Variants in ANKS3 observed in about 807,000 individuals in gnomAD.
The protein encoded by ANKS3 is ankyrin repeat and SAM domain-containing protein 3.
Under a neutral mutation model 80.7 loss-of-function variants are expected in ANKS3, and 62 were observed. The ratio of observed to expected loss-of-function variants is 0.77; its 90% CI spans 0.63 to 0.95. The LOEUF (loss-of-function observed/expected upper bound fraction) is 0.95, where lower values mean the gene tolerates loss of function less well. ANKS3 is among the 40% of genes least tolerant of loss of function. The pLI is 0.00. For missense variants in ANKS3, 1,150 were observed against 883.6 expected (o/e 1.30, Z -3.82); for synonymous variants, 489 against 355.3 (o/e 1.38, Z -4.23).
At chr16:4,709,366 A>G (rs1382104649) in intron 7 of ANKS3, among the ~76,000 whole-genome samples, 1 of 151,658 alleles carries the variant, frequency 6.6e-6, no homozygotes, top group East Asian at 1.9e-4. Flanking sequence ...AGATCGTGCC[A>G]TTGCACTCCA....
At chr16:4,706,962 C>T (rs2080227242) in intron 7 of ANKS3, among the ~76,000 whole-genome samples, 1 of 152,210 alleles carries the variant, frequency 6.6e-6, no homozygotes, top group African/African-American at 2.4e-5. Flanking sequence ...GTGGGCCACT[C>T]TGTCCTTCCC....
rs2080130587 is a variant in ANKS3 at position 4,705,404 on chromosome 16, A to G, written c.710-151T>C. 4.0e-5 allele frequency: 38 copies of G among 943,356 alleles called. No homozygotes were observed. The South Asian group carries it at 6.4e-4, about 16-fold the overall frequency. 58.4% of individuals were successfully genotyped at this position (943,356 alleles called of 1,614,324 possible). On this transcript the variant is annotated intron_variant, in intron 7 of 17. Transcript: ENST00000304283. Reference sequence around the variant, plus strand: ...GGGCATCACTTCTGAGAAATGCCCTAACAGGCCGGGGCGCTGCTCCAATGG... The same window carrying G: ...GGGCATCACTTCTGAGAAATGCCCTGACAGGCCGGGGCGCTGCTCCAATGG...
chr16:4,711,673 G>A (rs1317492646), intron 7 of ANKS3, among the ~76,000 whole-genome samples: 10 of 146,754 alleles, frequency 6.8e-5, no homozygotes, highest in African/African-American at 2.5e-4. Context: ...AGTCAAGATC[G>A]AGCCACTGCA....
chr16:4,697,862 C>T (rs1241400856), intron 15 of ANKS3, 115 bp downstream of exon 15: 11 of 1,005,710 alleles, frequency 1.1e-5, no homozygotes. Flanking sequence ...CACACAGGGA[C>T]CTGGGAGAGT....
intron 6 of ANKS3, among the ~76,000 whole-genome samples, chr16:4,715,289 T>A (rs1379645047): frequency 6.6e-6 from 1 of 151,562 alleles, no homozygotes; most frequent in Non-Finnish European, 1.5e-5. Flanking sequence ...GAAAAAAAAA[T>A]AAACTATAAT....
chr16:4,714,046 G>T lies in ANKS3; in HGVS notation c.709+5C>A. On this transcript the variant is annotated splice_donor_5th_base_variant and intron_variant, in intron 7 of 17. Coordinates refer to ENST00000304283, the MANE Select transcript of ANKS3 (RefSeq NM_133450.4). ...CAGCAGGGCGCGGCTGGCAGGTGTG[G>T]GTACCTGGGCTCCGATAGAGGCTCT... The T allele has an allele frequency of 6.2e-7, 1 of 1,613,948 alleles. No homozygotes were observed. Among genetic ancestry groups the T allele is most frequent in the Non-Finnish European group, 8.5e-7 (1 of 1,179,946 alleles).
At chr16:4,707,473 G>A (rs2080260051) in intron 7 of ANKS3, among the ~76,000 whole-genome samples, 1 of 151,924 alleles carries the variant, frequency 6.6e-6, no homozygotes, top group Admixed American at 6.6e-5. Context: ...GTAGAGACAA[G>A]GTTTCACCAT....
At chr16:4,709,640 G>T (rs2080382827) in intron 7 of ANKS3, among the ~76,000 whole-genome samples, 1 of 152,164 alleles carries the variant, frequency 6.6e-6, no homozygotes, top group Admixed American at 6.6e-5. Flanking sequence ...CATAAAGAAT[G>T]AAATCTGATC....
Position 4,714,109 on chromosome 16 carries a change from G to A in ANKS3, c.651C>T (p.Ile217=), listed in dbSNP as rs375188024. The A allele has an allele frequency of 2.4e-5, 38 of 1,614,052 alleles. No homozygotes were observed. The African/African-American group carries it at 3.5e-4, about 15-fold the overall frequency. Residue 217 remains isoleucine, a synonymous_variant, in exon 7 of 18, where the codon ATC becomes ATT. Coordinates refer to ENST00000304283, the MANE Select transcript of ANKS3 (RefSeq NM_133450.4). The part of the protein sequence containing the change: ...MLAKQYGHMK[I]VALMDTYSPS... ...GCGAGTAAGTGTCCATCAAGGCCAC[G>A]ATCTTCATGTGTCCGTACTGCTTGG...
At chr16:4,700,517 G>A (rs913565096) in intron 11 of ANKS3, 1 of 321,136 alleles carries the variant, frequency 3.1e-6, no homozygotes, top group Non-Finnish European at 6.1e-6. Context: ...ACACAGGTGA[G>A]ACAGCTGAGC....
chr16:4,731,873 G>C (rs859322), intron 1 of ANKS3, among the ~76,000 whole-genome samples: 1 of 151,878 alleles, frequency 6.6e-6, no homozygotes, highest in Non-Finnish European at 1.5e-5. Context: ...ATCAAGGCAA[G>C]GTCATCAGCT....
At chr16:4,708,415 G>C (rs1183512514) in intron 7 of ANKS3, among the ~76,000 whole-genome samples, 1 of 152,040 alleles carries the variant, frequency 6.6e-6, no homozygotes, top group Non-Finnish European at 1.5e-5. Context: ...TACACTTAAA[G>C]CAGCAATCAG....
chr16:4,711,735 A>G (rs1416429138), intron 7 of ANKS3, among the ~76,000 whole-genome samples: 3,485 of 150,970 alleles, frequency 0.023, 132 homozygotes, highest in African/African-American at 0.081. Context: ...AAAAAAAAAA[A>G]AAGGGAGAAA....
Position 4,697,986 on chromosome 16 carries a change from G to C in ANKS3, c.1801C>G (p.Pro601Ala), listed in dbSNP as rs769008777. ...PGAATLGLAV[P>A]PADSKGWQAS... ...AGGCCACTGCTCTTACCAGCTGGGG[G>C]GACGGCTAGGCCCAGAGTGGCTGCA... Residue 601 changes from proline to alanine, a missense_variant, in exon 15 of 18, where the codon CCC (proline) becomes GCC (alanine). Transcript: ENST00000304283. 6.3e-7 allele frequency: 1 copy of C among 1,594,566 alleles called. No homozygotes were observed. The highest frequency in any genetic ancestry group is 2.2e-5 in the East Asian group (1 of 44,578).
intron 6 of ANKS3, among the ~76,000 whole-genome samples, chr16:4,722,679 A>C (rs2081164523): frequency 6.6e-6 from 1 of 151,578 alleles, no homozygotes; most frequent in South Asian, 2.1e-4. Flanking sequence ...GCACTTTGGG[A>C]GGCTAAGGTG....
chr16:4,697,026 G>T lies in ANKS3; in HGVS notation c.*2C>A. The T allele has an allele frequency of 1.2e-6, 2 of 1,612,106 alleles. No individual in the cohort carries two copies. Among genetic ancestry groups the T allele is most frequent in the Non-Finnish European group, 8.5e-7 (1 of 1,179,476 alleles). On this transcript the variant is annotated 3_prime_UTR_variant, in exon 17 of 18. Coordinates refer to ENST00000304283, the MANE Select transcript of ANKS3 (RefSeq NM_133450.4). ...GCTGGCAGACACTCACCGGCCCGCA[G>T]GCTAGGTCTCCCGCCACTTCTTCCC...
chr16:4,704,952 G>T, intron 8 of ANKS3, 143 bp downstream of exon 8: 1 of 1,059,668 alleles, frequency 9.4e-7, no homozygotes, highest in Non-Finnish European at 1.4e-6. Flanking sequence ...GTCTCCCTGA[G>T]CATGAAAGCT....
chr16:4,710,176 C>T (rs1421976010), intron 7 of ANKS3, among the ~76,000 whole-genome samples: 2 of 152,134 alleles, frequency 1.3e-5, no homozygotes, highest in South Asian at 2.1e-4. Context: ...AATTACAGAT[C>T]GAAGAAAGAA....
intron 7 of ANKS3, 123 bp downstream of exon 7, chr16:4,713,928 G>C: frequency 7.3e-7 from 1 of 1,367,282 alleles, no homozygotes; most frequent in South Asian, 1.4e-5. Flanking sequence ...AGCTGGGGGA[G>C]GCAGAGCCAA....
Sources: allele counts gnomAD v4.1 joint callset (sites outside exome capture counted in the v4.1 genomes callset), GRCh38; gene constraint gnomAD v4.1.1; transcripts MANE v1.5; gene names NCBI Gene and HGNC (gene_info 2026-07-23, HGNC 2026-07-21).